ADGRL2: variants seen among roughly 807,000 people sequenced by gnomAD.
ADGRL2 encodes the protein calcium-independent alpha-latrotoxin receptor 2.
In ADGRL2, 44 loss-of-function variants were observed where a neutral mutation model predicts 157.4. The observed-to-expected ratio is 0.28, with a 90% CI of 0.22 to 0.36. The LOEUF is 0.36. ADGRL2 is among the 10% of genes least tolerant of loss of function. ADGRL2 has a pLI of 1.00. For synonymous variants in ADGRL2, 585 were observed against 624.7 expected, an observed-to-expected ratio of 0.94 and a Z score of 0.95; for missense variants, 1,510 against 1,768.9, an observed-to-expected ratio of 0.85 and a Z score of 2.63.
At chr1:81,511,068 G>A (rs1049801688) in intron 2 of ADGRL2, among the ~76,000 whole-genome samples, 3 of 151,948 alleles carry the variant, frequency 2.0e-5, no homozygotes, top group African/African-American at 7.3e-5. Flanking sequence ...AGTCTTGGAG[G>A]AAATTTTTTA....
At chr1:81,665,330 A>G (rs552414128) in intron 3 of ADGRL2, among the ~76,000 whole-genome samples, 2 of 152,120 alleles carry the variant, frequency 1.3e-5, no homozygotes, top group Non-Finnish European at 2.9e-5. Flanking sequence ...TTAAAAATTG[A>G]TATCTTATGT....
At position 81,690,859 on chromosome 1, in the gene ADGRL2, G is replaced by A. The variant is rs921450767; in HGVS notation, c.-142-70952G>A. 4.3e-4 allele frequency among the ~76,000 whole-genome samples: 66 copies of A among 152,282 alleles called. 1 individual carries two copies. Among genetic ancestry groups the A allele is most frequent in the African/African-American group, 1.5e-3 (61 of 41,556 alleles). ...TACATTCAGAATACGACTTCAAGAG[G>A]TTTATTTCCCGTTTGTAATCTAAAC... On this transcript the variant is annotated intron_variant, in intron 3 of 24. Transcript: ENST00000370721.
At chr1:81,777,011 T>G (rs2086615094) in intron 2 of ADGRL2, among the ~76,000 whole-genome samples, 1 of 152,214 alleles carries the variant, frequency 6.6e-6, no homozygotes, top group Non-Finnish European at 1.5e-5. Flanking sequence ...TACTCTGATA[T>G]AATCATCAAA....
At chr1:81,882,010 CTT>C (rs2094001243) in intron 2 of ADGRL2, among the ~76,000 whole-genome samples, 1 of 152,096 alleles carries the variant, frequency 6.6e-6, no homozygotes, top group Non-Finnish European at 1.5e-5. Flanking sequence ...ATGGGCCTCT[CTT>C]CTTTCCTGGT....
chr1:81,421,420 G>T (rs913205245), intron 1 of ADGRL2, among the ~76,000 whole-genome samples: 15 of 152,148 alleles, frequency 9.9e-5, no homozygotes, highest in African/African-American at 3.6e-4. Context: ...TCATCGACTT[G>T]CATTAGGCAG....
intron 1 of ADGRL2, among the ~76,000 whole-genome samples, chr1:81,806,518 T>G (rs1032641554): frequency 6.6e-6 from 1 of 152,018 alleles, no homozygotes; most frequent in African/African-American, 2.4e-5. Flanking sequence ...TTTTAGTATC[T>G]TAATATAAGA....
chr1:81,936,771 G>A lies in ADGRL2; in HGVS notation c.331G>A (p.Val111Met). 6.2e-7 allele frequency: 1 copy of A among 1,612,326 alleles called. No homozygotes were observed. Among genetic ancestry groups the A allele is most frequent in the Non-Finnish European group, 8.5e-7 (1 of 1,178,698 alleles). The part of the protein sequence containing the change: ...TQCIVVTGSD[V>M]FPDPCPGTYK... Reference sequence around the variant, plus strand: ...GTGTATAGTAGTTACTGGGTCAGATGTGTTTCCTGATCCATGTCCTGGAAC... The same window carrying A: ...GTGTATAGTAGTTACTGGGTCAGATATGTTTCCTGATCCATGTCCTGGAAC... The change falls in exon 4 of 24, where the codon GTG becomes ATG. Residue 111 changes from valine (V) to methionine (M), a missense_variant. Transcript: ENST00000686636.
chr1:81,466,404 G>T lies in ADGRL2; in HGVS notation c.-248+21315G>T, dbSNP rs1276770004. On this transcript the variant is annotated intron_variant, in intron 2 of 24. Coordinates refer to the ADGRL2 transcript ENST00000370721. ...GACTAGGCCGTGGCATTACAGCAGG[G>T]ACAGTGCAATTTGAGGTCTCATAAT... is the stretch of plus-strand genomic sequence containing the variant. Among the ~76,000 whole-genome samples, 6 of 152,144 alleles carry T rather than the reference G, an allele frequency of 3.9e-5. 1 individual carries two copies. The East Asian group carries it at 1.2e-3, about 29-fold the overall frequency.
In ADGRL2 at chr1:81,722,464, C is replaced by A. The variant is rs985497696; in HGVS notation, c.-143+22656C>A. On this transcript the variant is annotated intron_variant, in intron 1 of 20. Coordinates refer to the ADGRL2 transcript ENST00000359929. ...CCGTTTTGTATGCCAAGAGGGCCAG[C>A]GTTTTCGTCAAATTACAGAAGCCAA... 4.1e-6 allele frequency: 6 copies of A among 1,467,348 alleles called. No individual in the cohort carries two copies. The African/African-American group carries it at 6.9e-5, about 17-fold the overall frequency. The allele number at this position is 1,467,348 out of a possible 1,614,324, so 90.9% of individuals were successfully genotyped here.
In ADGRL2 at chr1:81,765,281, T is replaced by G. The variant is rs369956705; in HGVS notation, c.-101+3429T>G. Among the ~76,000 whole-genome samples, 369 of 152,114 alleles carry G rather than the reference T, an allele frequency of 2.4e-3. 8 individuals are homozygous for G. In the South Asian group the frequency reaches 0.041, roughly 17 times the overall value. On this transcript the variant is annotated intron_variant, in intron 2 of 20. Transcript: ENST00000359929. Reference sequence around the variant, plus strand: ...CAAATGTTTAAATATATAATTTCCTTTTTTGCATGTACTCGGTAAACTCTT... The same window carrying G: ...CAAATGTTTAAATATATAATTTCCTGTTTTGCATGTACTCGGTAAACTCTT...
At chr1:81,375,713 C>G (rs1401837539) in intron 1 of ADGRL2, among the ~76,000 whole-genome samples, 2 of 152,080 alleles carry the variant, frequency 1.3e-5, no homozygotes, top group African/African-American at 4.8e-5. Context: ...TTGGATGACT[C>G]CTTGACTATG....
chr1:81,721,895 C>T (rs2084337102), intron 1 of ADGRL2: 3 of 727,546 alleles, frequency 4.1e-6, no homozygotes, highest in Admixed American at 1.8e-5. Context: ...TGGAGGAAAA[C>T]TTAAAGGCAG....
chr1:81,980,488 A>G (rs1661348659), intron 18 of ADGRL2, among the ~76,000 whole-genome samples: 1 of 151,782 alleles, frequency 6.6e-6, no homozygotes, highest in African/African-American at 2.4e-5. Context: ...ATTAACAACA[A>G]ATGATAGCTG....
chr1:81,314,427 A>G (rs1380026666), intron 1 of ADGRL2, among the ~76,000 whole-genome samples: 1 of 152,196 alleles, frequency 6.6e-6, no homozygotes, highest in Non-Finnish European at 1.5e-5. Flanking sequence ...TTATAGGATT[A>G]GGCCGCATTT....
chr1:81,669,817 C>T (rs888587354), intron 3 of ADGRL2, among the ~76,000 whole-genome samples: 4 of 151,760 alleles, frequency 2.6e-5, no homozygotes, highest in Non-Finnish European at 5.9e-5. Context: ...GTGGCTGGTG[C>T]CCGTAGTCCC....
At chr1:81,978,332 A>T (rs112928133) in intron 17 of ADGRL2, among the ~76,000 whole-genome samples, 1 of 151,796 alleles carries the variant, frequency 6.6e-6, no homozygotes, top group Admixed American at 6.6e-5. Context: ...TATTTATATT[A>T]TGACCAACTA....
At position 81,831,558 on chromosome 1, in the gene ADGRL2, C is replaced by T. The variant is rs542214957; in HGVS notation, c.-100-5327C>T. Among the ~76,000 whole-genome samples the T allele has an allele frequency of 5.3e-5, 8 of 151,942 alleles. No individual in the cohort carries two copies. In the South Asian group the frequency reaches 1.0e-3, roughly 20 times the overall value. ...TTTAGAACATGGGCTTATTTCTCAG[C>T]CCTTCTGCTTGCTTACTTTCCTTGA... On this transcript the variant is annotated intron_variant, in intron 1 of 23. Coordinates refer to ENST00000686636, the MANE Select transcript of ADGRL2 (RefSeq NM_001366006.2).
intron 3 of ADGRL2, among the ~76,000 whole-genome samples, chr1:81,681,270 G>T (rs1190602539): frequency 6.6e-6 from 1 of 152,236 alleles, no homozygotes; most frequent in East Asian, 1.9e-4. Flanking sequence ...GGAAGCATGT[G>T]CTTCTCATTC....
chr1:81,895,987 A>C (rs186784766), intron 2 of ADGRL2, among the ~76,000 whole-genome samples: 72 of 152,236 alleles, frequency 4.7e-4, no homozygotes, highest in Non-Finnish European at 8.5e-4. Flanking sequence ...TTTGCTTCTT[A>C]TTTAATTATT....
Sources: gnomAD v4.1 joint callset for allele counts (sites outside exome capture counted in the v4.1 genomes callset) on GRCh38, gnomAD v4.1.1 for gene constraint, MANE v1.5 for transcripts, NCBI Gene and HGNC (gene_info 2026-07-23, HGNC 2026-07-21) for gene names.